PARD3: variants seen among roughly 807,000 people sequenced by gnomAD.
PARD3 encodes the protein par-3 family cell polarity regulator, also known as partitioning defective 3 homolog.
A neutral mutation model predicts 155.4 loss-of-function variants in PARD3; 75 were observed. The observed-to-expected ratio is 0.48, with a 90% CI of 0.40 to 0.58. The LOEUF is 0.58. Ranked by LOEUF, PARD3 falls within the 20% of genes least tolerant of loss-of-function variation. The probability of loss-of-function intolerance (pLI) is 0.00; values close to 1 mark genes in which losing one functional copy is unlikely to be tolerated. For missense variants in PARD3, 1,642 were observed against 1,721.7 expected, an observed-to-expected ratio of 0.95 and a Z score of 0.82; for synonymous variants, 576 against 610.5, an observed-to-expected ratio of 0.94 and a Z score of 0.83.
intron 5 of PARD3, among the ~76,000 whole-genome samples, chr10:34,404,708 T>C (rs949916078): frequency 3.3e-5 from 5 of 152,072 alleles, no homozygotes; most frequent in Non-Finnish European, 7.4e-5. Flanking sequence ...AGCAATTCTA[T>C]CATTTGCCAA....
intron 1 of PARD3, among the ~76,000 whole-genome samples, chr10:34,781,180 G>A (rs1466961089): frequency 6.6e-6 from 1 of 152,162 alleles, no homozygotes. Context: ...TAAATCAAGG[G>A]ACATGGCTGA....
intron 7 of PARD3, among the ~76,000 whole-genome samples, chr10:34,391,239 G>C (rs1842844262): frequency 1.3e-5 from 2 of 150,742 alleles, no homozygotes; most frequent in Non-Finnish European, 2.9e-5. Flanking sequence ...AAAGTAGACA[G>C]ATACATGTTG....
chr10:34,228,666 G>C (rs1952752549), intron 22 of PARD3, among the ~76,000 whole-genome samples: 1 of 151,996 alleles, frequency 6.6e-6, no homozygotes, highest in Non-Finnish European at 1.5e-5. Flanking sequence ...CTTCAATAAA[G>C]CTGGTATAAA....
intron 1 of PARD3, among the ~76,000 whole-genome samples, chr10:34,702,855 C>T (rs976652057): frequency 6.6e-6 from 1 of 152,112 alleles, no homozygotes; most frequent in African/African-American, 2.4e-5. Flanking sequence ...CATGGAGAGA[C>T]AGACTTTTAA....
chr10:34,764,488 T>G lies in PARD3; in HGVS notation c.120+50388A>C, dbSNP rs1837837287. 2.0e-5 allele frequency among the ~76,000 whole-genome samples: 3 copies of G among 152,110 alleles called. No homozygotes were observed. The South Asian group carries it at 6.2e-4, about 32-fold the overall frequency. ...GGAAAAATGATATATTTTGGGGGAT[T>G]TGCTTTGAACTAATCCAGCAGGTAC... On this transcript the variant is annotated intron_variant, in intron 1 of 24. Coordinates refer to ENST00000374788, the MANE Select transcript of PARD3 (RefSeq NM_001184785.2).
intron 22 of PARD3, among the ~76,000 whole-genome samples, chr10:34,263,079 A>G (rs1176209305): frequency 6.6e-6 from 1 of 152,192 alleles, no homozygotes; most frequent in Non-Finnish European, 1.5e-5. Context: ...AGTATAAAGA[A>G]TCAAACCTGT....
In PARD3 at chr10:34,270,928, T is replaced by G. The variant is rs1955583622; in HGVS notation, c.3177-1029A>C. Among the ~76,000 whole-genome samples the G allele has an allele frequency of 2.6e-5, 4 of 152,318 alleles. No homozygotes were observed. In the South Asian group the frequency reaches 8.3e-4, roughly 32 times the overall value. On this transcript the variant is annotated intron_variant, in intron 21 of 24. Transcript: ENST00000374788. Reference sequence around the variant, plus strand: ...TTAAACTATTTGGTACAATGTCCTCTTCAACTTATAATATATTGATATAAT... The same window carrying G: ...TTAAACTATTTGGTACAATGTCCTCGTCAACTTATAATATATTGATATAAT...
intron 5 of PARD3, among the ~76,000 whole-genome samples, chr10:34,419,946 A>C (rs978298427): frequency 1.3e-5 from 2 of 152,164 alleles, no homozygotes; most frequent in Non-Finnish European, 2.9e-5. Context: ...AACTGTATTG[A>C]CTGATTAATT....
chr10:34,243,424 T>C (rs192415776), intron 22 of PARD3, among the ~76,000 whole-genome samples: 90 of 152,358 alleles, frequency 5.9e-4, no homozygotes, highest in Non-Finnish European at 9.8e-4. Context: ...TTAAATTCCA[T>C]TTAAAATAAA....
intron 22 of PARD3, among the ~76,000 whole-genome samples, chr10:34,155,507 G>A (rs1440773816): frequency 3.3e-5 from 5 of 152,138 alleles, no homozygotes; most frequent in African/African-American, 1.2e-4. Context: ...AAACGGCTAC[G>A]TGTTGGTTCA....
In PARD3 at chr10:34,436,806, A is replaced by G. The variant is rs116274560; in HGVS notation, c.714+13511T>C. ...GTCAGTCTATAAGGATTGCCAAGCT[A>G]TATTAAGAAAAAAAAAATCAAAGCA... On this transcript the variant is annotated intron_variant, in intron 5 of 24. Transcript: ENST00000374788. Among the ~76,000 whole-genome samples the G allele has an allele frequency of 6.3e-3, 955 of 152,272 alleles. 9 individuals are homozygous for G. The highest frequency in any genetic ancestry group is 0.022 in the African/African-American group (908 of 41,558).
At chr10:34,719,012 CA>C (rs1461454184) in intron 1 of PARD3, among the ~76,000 whole-genome samples, 1 of 151,994 alleles carries the variant, frequency 6.6e-6, no homozygotes, top group African/African-American at 2.4e-5. Context: ...TGTATTGGAA[CA>C]ACCAGGGAAA....
intron 2 of PARD3, among the ~76,000 whole-genome samples, chr10:34,647,465 A>G (rs1320431780): frequency 6.6e-6 from 1 of 152,254 alleles, no homozygotes; most frequent in Non-Finnish European, 1.5e-5. Flanking sequence ...ATTCTAACAC[A>G]TAAATAGTAC....
At chr10:34,335,162 GTAAGGGA>G (rs1836034650) in intron 18 of PARD3, among the ~76,000 whole-genome samples, 1 of 151,874 alleles carries the variant, frequency 6.6e-6, no homozygotes, top group African/African-American at 2.4e-5. Flanking sequence ...AAACAACTCA[GTAAGGGA>G]TAAGGCTACG....
chr10:34,167,299 C>T lies in PARD3; in HGVS notation c.3420-35716G>A, dbSNP rs114739691. ...ACCTCAGGGTCACTGTGAACATCAA[C>T]CATCGTTGCACGGGTCTGCCGGCAT... On this transcript the variant is annotated intron_variant, in intron 22 of 24. Transcript: ENST00000374788. 4.5e-3 allele frequency among the ~76,000 whole-genome samples: 686 copies of T among 152,238 alleles called. 3 individuals are homozygous for T. Among genetic ancestry groups the T allele is most frequent in the African/African-American group, 0.015 (642 of 41,534 alleles).
intron 1 of PARD3, among the ~76,000 whole-genome samples, chr10:34,760,578 C>T (rs1193315451): frequency 2.6e-5 from 4 of 152,252 alleles, no homozygotes; most frequent in East Asian, 1.9e-4. Context: ...GTGATCTGCC[C>T]GCCTCAGCCT....
chr10:34,474,157 C>T lies in PARD3; in HGVS notation c.404-3894G>A, dbSNP rs188869969. Among the ~76,000 whole-genome samples the T allele has an allele frequency of 2.2e-3, 338 of 152,230 alleles. 1 individual carries two copies. Among genetic ancestry groups the T allele is most frequent in the African/African-American group, 7.0e-3 (290 of 41,542 alleles). ...TCCAGCCTGGGCAACAGAGCAAGGC[C>T]CTGTCAGTCAGTCACTCAACAGCAT... On this transcript the variant is annotated intron_variant, in intron 3 of 24. Transcript: ENST00000374788.
intron 15 of PARD3, among the ~76,000 whole-genome samples, chr10:34,342,260 T>C (rs1002602124): frequency 6.6e-6 from 1 of 152,254 alleles, no homozygotes; most frequent in African/African-American, 2.4e-5. Context: ...TCTCTGTCCT[T>C]AAAGGACGTA....
intron 5 of PARD3, among the ~76,000 whole-genome samples, chr10:34,412,238 C>T (rs1845161799): frequency 6.6e-6 from 1 of 152,122 alleles, no homozygotes; most frequent in African/African-American, 2.4e-5. Context: ...GCTAGGAATA[C>T]AGGCATGAAC....
Sources: gnomAD v4.1 joint callset for allele counts (sites outside exome capture counted in the v4.1 genomes callset) on GRCh38, gnomAD v4.1.1 for gene constraint, MANE v1.5 for transcripts, NCBI Gene and HGNC (gene_info 2026-07-23, HGNC 2026-07-21) for gene names.